CNTN3: variants seen among roughly 807,000 people sequenced by gnomAD.
CNTN3 encodes contactin-3.
Under a neutral mutation model 119.1 loss-of-function variants are expected in CNTN3, and 60 were observed. The observed-to-expected ratio is 0.50, with a 90% confidence interval of 0.41 to 0.62. CNTN3 has a LOEUF of 0.62. CNTN3 is among the 20% of genes least tolerant of loss of function. The probability of loss-of-function intolerance (pLI) is 0.00; values close to 1 mark genes in which losing one functional copy is unlikely to be tolerated. For missense variants in CNTN3, 1,101 were observed against 1,242.4 expected (o/e 0.89, Z 1.71); for synonymous variants, 450 against 438.7 (o/e 1.03, Z -0.32).
chr3:74,429,158 G>C (rs1701743742), intron 4 of CNTN3, among the ~76,000 whole-genome samples: 1 of 151,736 alleles, frequency 6.6e-6, no homozygotes, highest in Admixed American at 6.6e-5. Flanking sequence ...ATGGTTTTGG[G>C]TTTGTTCTTT....
At chr3:74,318,673 T>C (rs1702899544) in intron 13 of CNTN3, among the ~76,000 whole-genome samples, 1 of 152,094 alleles carries the variant, frequency 6.6e-6, no homozygotes, top group Admixed American at 6.5e-5. Context: ...GAACAGTGGA[T>C]CTTGGTGAAC....
At chr3:74,300,923 T>C (rs116314987) in intron 16 of CNTN3, among the ~76,000 whole-genome samples, 251 of 152,344 alleles carry the variant, frequency 1.6e-3, no homozygotes, top group African/African-American at 5.9e-3. Flanking sequence ...TTCCTATCAA[T>C]GATTTTTTCT....
At chr3:74,373,423 C>T (rs1030518448) in intron 5 of CNTN3, among the ~76,000 whole-genome samples, 8 of 152,172 alleles carry the variant, frequency 5.3e-5, no homozygotes, top group African/African-American at 1.9e-4. Context: ...TTGTCCTTCT[C>T]CCTTTTACCC....
At chr3:74,509,344 C>T (rs1450235531) in intron 2 of CNTN3, among the ~76,000 whole-genome samples, 4 of 143,696 alleles carry the variant, frequency 2.8e-5, no homozygotes, top group Admixed American at 7.3e-5. Context: ...CATGGGGTCT[C>T]GCTCTGTTGC....
chr3:74,410,852 C>T (rs997284939), intron 5 of CNTN3, among the ~76,000 whole-genome samples: 6 of 152,092 alleles, frequency 3.9e-5, no homozygotes, highest in African/African-American at 1.4e-4. Flanking sequence ...GCCAGAAGTA[C>T]ATTAACTAGT....
chr3:74,317,415 G>A (rs1278319699), intron 13 of CNTN3, among the ~76,000 whole-genome samples: 1 of 151,940 alleles, frequency 6.6e-6, no homozygotes, highest in Non-Finnish European at 1.5e-5. Context: ...GTTAGTTGAT[G>A]CAGTTTCTTC....
intron 13 of CNTN3, among the ~76,000 whole-genome samples, chr3:74,332,589 C>A (rs1272878927): frequency 6.6e-6 from 1 of 152,166 alleles, no homozygotes; most frequent in African/African-American, 2.4e-5. Context: ...AAGATAGCTG[C>A]AATCTGGCTC....
intron 16 of CNTN3, among the ~76,000 whole-genome samples, chr3:74,301,005 C>A (rs574912865): frequency 6.6e-6 from 1 of 152,230 alleles, no homozygotes; most frequent in African/African-American, 2.4e-5. Flanking sequence ...AGCTTGGTGG[C>A]AAAATGAGAT....
chr3:74,528,164 A>C (rs1703645814), intron 1 of CNTN3, among the ~76,000 whole-genome samples: 1 of 151,866 alleles, frequency 6.6e-6, no homozygotes, highest in Non-Finnish European at 1.5e-5. Context: ...AATAATTATA[A>C]AGGGTATGTA....
chr3:74,324,234 C>G (rs1703076263), intron 13 of CNTN3, among the ~76,000 whole-genome samples: 1 of 149,858 alleles, frequency 6.7e-6, no homozygotes, highest in Non-Finnish European at 1.5e-5. Flanking sequence ...TTTTTTGAGA[C>G]AGAGTTTTGC....
At chr3:74,383,179 G>A (rs565515027) in intron 5 of CNTN3, among the ~76,000 whole-genome samples, 1 of 152,112 alleles carries the variant, frequency 6.6e-6, no homozygotes, top group East Asian at 1.9e-4. Context: ...TGAGCCTCCT[G>A]GAAATGATGC....
intron 5 of CNTN3, among the ~76,000 whole-genome samples, chr3:74,397,733 T>C (rs770019204): frequency 3.9e-5 from 6 of 152,156 alleles, no homozygotes; most frequent in Non-Finnish European, 7.4e-5. Context: ...GCAAAGTAAA[T>C]TGAAAACCTT....
chr3:74,540,718 C>T (rs1162074679), intron 1 of CNTN3, among the ~76,000 whole-genome samples: 1 of 152,122 alleles, frequency 6.6e-6, no homozygotes, highest in Non-Finnish European at 1.5e-5. Context: ...TCCTACCTGC[C>T]AAAAACTTTC....
chr3:74,477,285 G>C (rs545878243), intron 4 of CNTN3, among the ~76,000 whole-genome samples: 2 of 152,262 alleles, frequency 1.3e-5, no homozygotes, highest in South Asian at 4.1e-4. Flanking sequence ...TTCAGACCCA[G>C]AAAGTAAGCT....
At chr3:74,500,421 G>T (rs1215851416) in intron 2 of CNTN3, among the ~76,000 whole-genome samples, 2 of 147,732 alleles carry the variant, frequency 1.4e-5, no homozygotes, top group East Asian at 2.0e-4. Context: ...GTTTAAAAAA[G>T]AACAAGATAA....
chr3:74,450,914 T>C (rs1259010343), intron 4 of CNTN3, among the ~76,000 whole-genome samples: 1 of 152,104 alleles, frequency 6.6e-6, no homozygotes, highest in Non-Finnish European at 1.5e-5. Context: ...AGTCTATCAT[T>C]GTTGGACATT....
At chr3:74,512,392 G>A (rs1703382009) in intron 2 of CNTN3, among the ~76,000 whole-genome samples, 2 of 152,120 alleles carry the variant, frequency 1.3e-5, no homozygotes, top group South Asian at 4.1e-4. Context: ...ATTAATCTGT[G>A]GAAGGTAGTA....
At chr3:74,366,778 GTGTATATA>G (rs1428696895) in intron 8 of CNTN3, among the ~76,000 whole-genome samples, 4 of 40,884 alleles carry the variant, frequency 9.8e-5, no homozygotes, top group African/African-American at 3.2e-4. Context: ...GTGTGTGTGT[GTGTATATA>G]TATATATATA....
At chr3:74,475,092 A>T (rs1432425440) in intron 4 of CNTN3, among the ~76,000 whole-genome samples, 2 of 152,152 alleles carry the variant, frequency 1.3e-5, no homozygotes, top group Non-Finnish European at 2.9e-5. Context: ...TCTTTATAGC[A>T]ATGTGAGAAC....
Sources: allele counts gnomAD v4.1 joint callset (sites outside exome capture counted in the v4.1 genomes callset), GRCh38; gene constraint gnomAD v4.1.1; transcripts MANE v1.5; gene names NCBI Gene and HGNC (gene_info 2026-07-23, HGNC 2026-07-21).